ANK3: variants seen among roughly 807,000 people sequenced by gnomAD.
ANK3 encodes ankyrin-3.
ANK3 carries 57 observed loss-of-function variants against 370.9 expected under a neutral mutation model. The ratio of observed to expected loss-of-function variants is 0.15; its 90% confidence interval spans 0.12 to 0.19. The LOEUF (loss-of-function observed/expected upper bound fraction) is 0.19, where lower values mean the gene tolerates loss of function less well. ANK3 is among the 10% of genes least tolerant of loss of function. The pLI is 1.00. For synonymous variants in ANK3, 1,929 were observed against 1,946.3 expected, an observed-to-expected ratio of 0.99 and a Z score of 0.23; for missense variants, 4,439 against 5,302.1, an observed-to-expected ratio of 0.84 and a Z score of 5.06.
At chr10:60,515,994 G>A (rs936028891) in intron 2 of ANK3, among the ~76,000 whole-genome samples, 4 of 152,076 alleles carry the variant, frequency 2.6e-5, no homozygotes, top group Non-Finnish European at 5.9e-5. Flanking sequence ...AAATAAATCA[G>A]TGTGTCACTA....
At chr10:60,170,975 CA>C (rs1319854937) in intron 21 of ANK3, among the ~76,000 whole-genome samples, 2 of 152,064 alleles carry the variant, frequency 1.3e-5, no homozygotes, top group African/African-American at 2.4e-5. Flanking sequence ...GCAATGACTT[CA>C]AATCTTTATA....
intron 2 of ANK3, among the ~76,000 whole-genome samples, chr10:60,565,740 CA>C (rs768779788): frequency 5.3e-5 from 8 of 152,298 alleles, no homozygotes; most frequent in Non-Finnish European, 7.3e-5. Flanking sequence ...CTGGGAAACA[CA>C]TATCTTCTTA....
rs11282162 is a variant in ANK3, at chr10:60,240,306, A to ATATATT, written c.799-5521_799-5520insAATATA. Among the ~76,000 whole-genome samples the ATATATT allele has an allele frequency of 7.3e-4, 88 of 119,748 alleles. 2 individuals carry two copies. Among genetic ancestry groups the ATATATT allele is most frequent in the Non-Finnish European group, 1.2e-3 (71 of 58,534 alleles). The allele number at this position is 119,748 out of a possible 152,430, so 78.6% of individuals were successfully genotyped here. On this transcript the variant is annotated intron_variant, in intron 7 of 43. Transcript: ENST00000280772. ...CATATATATATATATATATATATATATTTTTTTTTCTTTTTGAGATAGAGT... is the reference window on the plus strand; with the variant it reads ...CATATATATATATATATATATATATATATATTTTTTTTTTTCTTTTTGAGATAGAGT...
intron 1 of ANK3, among the ~76,000 whole-genome samples, chr10:60,696,360 C>T (rs1469037573): frequency 6.7e-6 from 1 of 149,016 alleles, no homozygotes; most frequent in African/African-American, 2.5e-5. Context: ...TGAAACTATT[C>T]CAATCAATAG....
chr10:60,121,706 A>G, intron 25 of ANK3, among the ~76,000 whole-genome samples: 1 of 143,776 alleles, frequency 7.0e-6, no homozygotes, highest in South Asian at 2.3e-4. Context: ...AAAAAAAAAA[A>G]GTATAAGACC....
At chr10:60,240,799 C>G (rs1290515341) in intron 7 of ANK3, among the ~76,000 whole-genome samples, 3 of 152,090 alleles carry the variant, frequency 2.0e-5, no homozygotes, top group Admixed American at 6.6e-5. Context: ...ATCACGTTGG[C>G]CAGGCTGGTC....
intron 1 of ANK3, among the ~76,000 whole-genome samples, chr10:60,381,533 T>C (rs1295985082): frequency 1.3e-5 from 2 of 152,174 alleles, no homozygotes; most frequent in Non-Finnish European, 2.9e-5. Flanking sequence ...TAAAACTTCA[T>C]TCACTGTATC....
At position 60,566,735 on chromosome 10, in the gene ANK3, T is replaced by C. The variant is rs546109130; in HGVS notation, c.96+48451A>G. On this transcript the variant is annotated intron_variant, in intron 2 of 43. Transcript: ENST00000373827. ...ACACAAAAATAAAAAAGTTAGCCAG[T>C]TGTGGTGGAGCACACTTGTGATCCC... Among the ~76,000 whole-genome samples, 4 of 152,262 alleles carry C rather than the reference T, an allele frequency of 2.6e-5. No individual in the cohort carries two copies. The South Asian group carries it at 6.2e-4, about 24-fold the overall frequency.
Position 60,679,911 on chromosome 10 carries a change from G to A in ANK3, c.57+53352C>T, listed in dbSNP as rs571054590. Reference sequence around the variant, plus strand: ...AGCACTTTGGGAGGCTGAGGTGGGCGGATCACTTGAGGTCAGGAGTTCAAG... The same window carrying A: ...AGCACTTTGGGAGGCTGAGGTGGGCAGATCACTTGAGGTCAGGAGTTCAAG... On this transcript the variant is annotated intron_variant, in intron 1 of 43. Transcript: ENST00000373827. Among the ~76,000 whole-genome samples the A allele has an allele frequency of 1.1e-4, 16 of 152,122 alleles. No individual in the cohort carries two copies. The South Asian group carries it at 1.7e-3, about 16-fold the overall frequency.
chr10:60,355,892 G>T (rs2057658287), intron 1 of ANK3, among the ~76,000 whole-genome samples: 1 of 151,496 alleles, frequency 6.6e-6, no homozygotes, highest in Admixed American at 6.6e-5. Flanking sequence ...GTCTTCTCAA[G>T]ATTCCTTTCT....
At position 60,073,149 on chromosome 10, in the gene ANK3, C is replaced by T. The variant is rs1169286652; in HGVS notation, c.7732G>A (p.Asp2578Asn). The T allele has an allele frequency of 2.5e-6, 4 of 1,614,086 alleles. No homozygotes were observed. Among genetic ancestry groups the T allele is most frequent in the Non-Finnish European group, 3.4e-6 (4 of 1,180,008 alleles). Residue 2578 changes from aspartate to asparagine, a missense_variant, in exon 37 of 44, where the codon GAC becomes AAC. By Grantham distance (23) the Asp-to-Asn change is conservative. Coordinates refer to ENST00000280772, the MANE Select transcript of ANK3 (RefSeq NM_020987.5). Reference protein sequence around the residue: ...REKLIYEDRVDRTVKEAEEKL... With the variant: ...REKLIYEDRVNRTVKEAEEKL... ...TCTTCAGCCTCCTTCACAGTCCTGT[C>T]CACCCTATCTTCATATATCAACTTC...
chr10:60,234,185 G>C (rs937270511), intron 8 of ANK3, among the ~76,000 whole-genome samples: 1 of 152,144 alleles, frequency 6.6e-6, no homozygotes, highest in African/African-American at 2.4e-5. Flanking sequence ...TTGCTGCTAT[G>C]AACATGGTTA....
At position 60,625,049 on chromosome 10, in the gene ANK3, C is replaced by A. The variant is rs117536979; in HGVS notation, c.58-9825G>T. On this transcript the variant is annotated intron_variant, in intron 1 of 43. Transcript: ENST00000373827. Reference sequence around the variant, plus strand: ...GGCATCTTGTCTGGCCAACAGAACACGTACCCACCATGTGCTGTAGCCACT... The same window carrying A: ...GGCATCTTGTCTGGCCAACAGAACAAGTACCCACCATGTGCTGTAGCCACT... Among the ~76,000 whole-genome samples, 120 of 152,202 alleles carry A rather than the reference C, an allele frequency of 7.9e-4. 1 individual carries two copies. In the East Asian group the frequency reaches 0.015, roughly 19 times the overall value.
At chr10:60,307,059 A>T (rs77696714) in intron 1 of ANK3, among the ~76,000 whole-genome samples, 17,791 of 152,250 alleles carry the variant, frequency 0.12, 1,106 homozygotes, top group South Asian at 0.17. Flanking sequence ...GGTTGAAAAA[A>T]ATCAAAAGAC....
intron 1 of ANK3, among the ~76,000 whole-genome samples, chr10:60,365,651 T>C (rs1566867890): frequency 6.6e-6 from 1 of 152,224 alleles, no homozygotes; most frequent in Non-Finnish European, 1.5e-5. Context: ...GGGACTTATT[T>C]AGCACTTCTA....
At chr10:60,333,774 G>A (rs1051162145) in intron 1 of ANK3, among the ~76,000 whole-genome samples, 6 of 152,196 alleles carry the variant, frequency 3.9e-5, no homozygotes, top group Non-Finnish European at 5.9e-5. Context: ...CAGTGTAAAA[G>A]TGTTCCTATT....
intron 1 of ANK3, among the ~76,000 whole-genome samples, chr10:60,381,851 G>T (rs944372909): frequency 6.6e-6 from 1 of 152,148 alleles, no homozygotes; most frequent in Non-Finnish European, 1.5e-5. Flanking sequence ...CAGCTAATTA[G>T]TAGCAGCTTC....
At chr10:60,106,498 A>G (rs1226775316) in intron 27 of ANK3, among the ~76,000 whole-genome samples, 3 of 152,162 alleles carry the variant, frequency 2.0e-5, no homozygotes, top group South Asian at 2.1e-4. Flanking sequence ...GATGATTGCT[A>G]TATTTTCTCC....
At chr10:60,329,196 TG>T (rs758350223) in intron 1 of ANK3, among the ~76,000 whole-genome samples, 1 of 152,152 alleles carries the variant, frequency 6.6e-6, no homozygotes, top group Non-Finnish European at 1.5e-5. Flanking sequence ...GGCCAAAAAC[TG>T]GAAGTATTCC....
Sources: allele counts gnomAD v4.1 joint callset (sites outside exome capture counted in the v4.1 genomes callset), GRCh38; gene constraint gnomAD v4.1.1; transcripts MANE v1.5; gene names NCBI Gene and HGNC (gene_info 2026-07-23, HGNC 2026-07-21).